CLCN7: variants seen among roughly 807,000 people sequenced by gnomAD.
CLCN7 encodes H(+)/Cl(-) exchange transporter 7.
Under a neutral mutation model 102.1 loss-of-function variants are expected in CLCN7, and 60 were observed. That is an observed-to-expected ratio of 0.59 (90% CI 0.48 to 0.73). The LOEUF (loss-of-function observed/expected upper bound fraction) is 0.73. CLCN7 is among the 30% of genes least tolerant of loss of function. The pLI is 0.00. For missense variants in CLCN7, 962 were observed against 1,125.7 expected (o/e 0.85, Z 2.08); for synonymous variants, 560 against 490.5 (o/e 1.14, Z -1.87).
At position 1,457,730 on chromosome 16, in the gene CLCN7, C is replaced by A; in HGVS notation, c.702G>T (p.Val234=). ...LKTLVIKVSG[V]ILSVVGGLAV... ...CCAGGCCCCCGACCACGGACAGGATCACACCGGACACTTTGATCACCAACG... is the reference window on the plus strand; with the variant it reads ...CCAGGCCCCCGACCACGGACAGGATAACACCGGACACTTTGATCACCAACG... The change falls in exon 8 of 25, where the codon GTG becomes GTT. Residue 234 remains valine, a synonymous_variant. Coordinates refer to ENST00000382745, the MANE Select transcript of CLCN7 (RefSeq NM_001287.6). This position sits in a 1 kb window ranked among gnomAD's most constrained non-coding sequence, Gnocchi z 5.4. 6.2e-7 allele frequency: 1 copy of A among 1,613,898 alleles called. No homozygotes were observed. The highest frequency in any genetic ancestry group is 1.3e-5 in the African/African-American group (1 of 75,072).
chr16:1,469,863 A>G (rs2039052725), intron 1 of CLCN7, among the ~76,000 whole-genome samples: 1 of 152,218 alleles, frequency 6.6e-6, no homozygotes, highest in African/African-American at 2.4e-5. Context: ...TCTCCCCGCA[A>G]TGGAATAATT....
At chr16:1,454,984 C>T in intron 12 of CLCN7, 150 bp downstream of exon 12, 1 of 664,238 alleles carries the variant, frequency 1.5e-6, no homozygotes, top group Non-Finnish European at 2.8e-6. Flanking sequence ...CCTGCAGCCC[C>T]TCGGGGCCCT....
rs1429466823 is a variant in CLCN7, at chr16:1,474,868, A to AGCGGCGTCCCCCCGCCGGGCC, written c.86_106dup (p.Arg29_Pro35dup). The AGCGGCGTCCCCCCGCCGGGCC allele has an allele frequency of 1.4e-6, 2 of 1,442,056 alleles. No individual in the cohort carries two copies. The highest frequency in any genetic ancestry group is 3.0e-5 in the African/African-American group (2 of 67,186). 89.3% of individuals were successfully genotyped at this position (1,442,056 alleles called of 1,614,324 possible). On this transcript the variant is annotated inframe_insertion, in exon 1 of 25. Coordinates refer to ENST00000382745, the MANE Select transcript of CLCN7 (RefSeq NM_001287.6). ...AGCCCCAGGCCCAGCCCCGTTCAGCAGCGGCGTCCCCCCGCCGGGCCGCGC... is the reference window on the plus strand; with the variant it reads ...AGCCCCAGGCCCAGCCCCGTTCAGCAGCGGCGTCCCCCCGCCGGGCCGCGGCGTCCCCCCGCCGGGCCGCGC...
At chr16:1,452,130 C>T in intron 15 of CLCN7, 3 of 310,508 alleles carry the variant, frequency 9.7e-6, no homozygotes, top group Non-Finnish European at 6.4e-6. Context: ...GGGTGTTATC[C>T]ACGGGGCTGG....
intron 1 of CLCN7, among the ~76,000 whole-genome samples, chr16:1,465,763 C>T (rs528364402): frequency 6.6e-6 from 1 of 152,246 alleles, no homozygotes; most frequent in Non-Finnish European, 1.5e-5. Flanking sequence ...CCACTGCAGC[C>T]TCTCTGGGTC....
At position 1,457,863 on chromosome 16, in the gene CLCN7, C is replaced by T. The variant is rs2038862807; in HGVS notation, c.676-107G>A. The T allele has an allele frequency of 8.8e-7, 1 of 1,140,800 alleles. No homozygotes were observed. Among genetic ancestry groups the T allele is most frequent in the Non-Finnish European group, 1.3e-6 (1 of 767,716 alleles). 70.7% of individuals were successfully genotyped at this position (1,140,800 alleles called of 1,614,324 possible). A position where few individuals can be genotyped will look rare whatever the true frequency, so the allele number is the denominator to read the frequency against. The stretch of plus-strand genomic sequence containing the variant: ...CCCCGATCAGGCAGAGTGGCTGGGA[C>T]ACGGGGCCTCCGGGAGGGGGCCAGC... On this transcript the variant is annotated intron_variant, in intron 7 of 24. Transcript: ENST00000382745. This position sits in a 1 kb window ranked among gnomAD's most constrained non-coding sequence, Gnocchi z 5.4.
At chr16:1,468,856 G>A (rs1306902593) in intron 1 of CLCN7, among the ~76,000 whole-genome samples, 1 of 152,092 alleles carries the variant, frequency 6.6e-6, no homozygotes, top group Non-Finnish European at 1.5e-5. Flanking sequence ...CAAGCCCCCT[G>A]TGCTACCTTT....
intron 7 of CLCN7, among the ~76,000 whole-genome samples, 173 bp downstream of exon 7, chr16:1,458,934 C>T (rs2038881802): frequency 6.6e-6 from 1 of 152,208 alleles, no homozygotes; most frequent in Non-Finnish European, 1.5e-5. Context: ...GTTGTTACCA[C>T]TTTCAGAAAA....
chr16:1,466,065 A>C (rs1428521549), intron 1 of CLCN7, among the ~76,000 whole-genome samples: 2 of 152,176 alleles, frequency 1.3e-5, no homozygotes, highest in Non-Finnish European at 2.9e-5. Flanking sequence ...AATTTCCACT[A>C]TCTCCTGAAT....
rs1229144547 is a variant in CLCN7, at chr16:1,454,400, G to GT, written c.1153+10_1153+11insA. 6.2e-7 allele frequency: 1 copy of GT among 1,613,046 alleles called. No homozygotes were observed. Among genetic ancestry groups the GT allele is most frequent in the Non-Finnish European group, 8.5e-7 (1 of 1,179,680 alleles). Reference sequence around the variant, plus strand: ...GCAGGCCGTCCCTGCGGTGCTGGGAGAAGCCCTTACCCACCACGCCCATGG... The same window carrying GT: ...GCAGGCCGTCCCTGCGGTGCTGGGAGTAAGCCCTTACCCACCACGCCCATGG... On this transcript the variant is annotated intron_variant, in intron 13 of 24. Coordinates refer to ENST00000382745, the MANE Select transcript of CLCN7 (RefSeq NM_001287.6).
intron 1 of CLCN7, among the ~76,000 whole-genome samples, chr16:1,472,331 A>G (rs559314467): frequency 4.4e-4 from 67 of 152,232 alleles, no homozygotes; most frequent in African/African-American, 1.6e-3. Context: ...CCTGGGTTCA[A>G]GCGATTCTCC....
intron 15 of CLCN7, 122 bp from the exon 16 acceptor site, chr16:1,451,838 C>A: frequency 1.3e-6 from 1 of 768,792 alleles, no homozygotes. Flanking sequence ...GGCGCGAAAC[C>A]ACACGATCCT....
intron 23 of CLCN7, 133 bp downstream of exon 23, chr16:1,447,259 C>A: frequency 8.4e-7 from 1 of 1,184,696 alleles, no homozygotes; most frequent in Admixed American, 2.1e-5. Context: ...GCCTGCCAGG[C>A]CCTTCACAGG....
At position 1,446,217 on chromosome 16, in the gene CLCN7, G is replaced by C; in HGVS notation, c.*414C>G. On this transcript the variant is annotated 3_prime_UTR_variant, in exon 25 of 25. Coordinates refer to ENST00000382745, the MANE Select transcript of CLCN7 (RefSeq NM_001287.6). ...GACTCCACTGGTGTGGAGGCAGAGG[G>C]GCCCTTCCAGGGCAGGGCAGCCCTC... 1.6e-6 allele frequency: 1 copy of C among 632,400 alleles called. No individual in the cohort carries two copies. The highest frequency in any genetic ancestry group is 2.8e-6 in the Non-Finnish European group (1 of 355,060). The allele number at this position is 632,400 out of a possible 1,614,324, so 39.2% of individuals were successfully genotyped here.
intron 11 of CLCN7, 133 bp from the exon 12 acceptor site, chr16:1,455,383 G>A (rs982401540): frequency 2.6e-6 from 2 of 764,484 alleles, no homozygotes; most frequent in South Asian, 1.4e-5. Flanking sequence ...AAGGCAGAAG[G>A]GAAGGGGCTG....
chr16:1,449,408 C>T (rs1405948656), intron 17 of CLCN7, 81 bp from the exon 18 acceptor site: 23 of 1,363,730 alleles, frequency 1.7e-5, no homozygotes, highest in Admixed American at 3.9e-5. Context: ...GGAGGCCCTG[C>T]CCAGGCCCAG....
intron 1 of CLCN7, chr16:1,472,092 A>G (rs560005095): frequency 6.6e-6 from 1 of 152,416 alleles, no homozygotes; most frequent in South Asian, 2.1e-4. Context: ...TCCAGCAGGA[A>G]GGAAGCAGCT....
chr16:1,474,856 G>A lies in CLCN7; in HGVS notation c.119C>T (p.Ala40Val). 1.4e-6 allele frequency: 2 copies of A among 1,439,420 alleles called. No individual in the cohort carries two copies. The highest frequency in any genetic ancestry group is 2.7e-5 in the South Asian group (2 of 74,466). The allele number at this position is 1,439,420 out of a possible 1,614,324, so 89.2% of individuals were successfully genotyped here. ...CACCTGGCGCGCAGCCCCAGGCCCAGCCCCGTTCAGCAGCGGCGTCCCCCC... is the reference window on the plus strand; with the variant it reads ...CACCTGGCGCGCAGCCCCAGGCCCAACCCCGTTCAGCAGCGGCGTCCCCCC... Reference protein sequence around the residue: ...PGGGTPLLNGAGPGAARQSPR... With the variant: ...PGGGTPLLNGVGPGAARQSPR... Residue 40 changes from alanine (A) to valine (V), a missense_variant, in exon 1 of 25, where the codon GCT (alanine) becomes GTT (valine). Around this residue, in one of 2 missense-constraint regions of CLCN7, gnomAD observed 163 missense variants for 137.7 expected, o/e 1.18. Transcript: ENST00000382745.
chr16:1,453,950 C>T, intron 13 of CLCN7, 56 bp from the exon 14 acceptor site: 1 of 1,564,910 alleles, frequency 6.4e-7, no homozygotes, highest in Non-Finnish European at 8.8e-7. Context: ...CGGGCCTCCG[C>T]CCGCCGGCTC....
Sources: gnomAD v4.1 joint callset for allele counts (sites outside exome capture counted in the v4.1 genomes callset) on GRCh38, gnomAD v4.1.1 for gene constraint, gnomAD v4.1.1 regional missense constraint, Gnocchi (gnomAD v3.1) non-coding constraint, MANE v1.5 for transcripts, NCBI Gene and HGNC (gene_info 2026-07-23, HGNC 2026-07-21) for gene names.